The following RBBP8 variants were observed in gnomAD, a reference collection of about 807,000 sequenced individuals.
The protein encoded by RBBP8 is DNA endonuclease RBBP8.
A neutral mutation model predicts 108.3 loss-of-function variants in RBBP8; 88 were observed. The observed-to-expected ratio is 0.81, with a 90% CI of 0.68 to 0.97. The LOEUF (loss-of-function observed/expected upper bound fraction) is 0.97. Among genes scored for constraint, RBBP8 ranks in the 50% least tolerant of loss-of-function variants. The pLI is 0.00. For synonymous variants in RBBP8, 332 were observed against 348.2 expected, an observed-to-expected ratio of 0.95 and a Z score of 0.52; for missense variants, 1,023 against 1,049.0, an observed-to-expected ratio of 0.98 and a Z score of 0.34.
At chr18:22,980,195 G>A (rs8087215) in intron 6 of RBBP8, among the ~76,000 whole-genome samples, 150,363 of 152,186 alleles carry the variant, frequency 0.99, 74,312 homozygotes, top group East Asian at 1. Flanking sequence ...GTAGTGAGCC[G>A]AGATTGGACC....
upstream of RBBP8, among the ~76,000 whole-genome samples, chr18:22,932,174 G>A (rs1465830699): frequency 6.6e-6 from 1 of 152,204 alleles, no homozygotes; most frequent in Non-Finnish European, 1.5e-5. Flanking sequence ...CATAGGAACA[G>A]GTTGGGTCAT....
At chr18:22,985,060 G>A in intron 8 of RBBP8, 70 bp downstream of exon 8, 1 of 1,592,484 alleles carries the variant, frequency 6.3e-7, no homozygotes, top group Non-Finnish European at 8.6e-7. Flanking sequence ...GTGACCCACA[G>A]TCTAACTTAG....
chr18:23,019,387 G>A (rs2144833949), intron 17 of RBBP8, among the ~76,000 whole-genome samples: 1 of 152,210 alleles, frequency 6.6e-6, no homozygotes, highest in South Asian at 2.1e-4. Context: ...AATCTGTTCT[G>A]TTACTCCATC....
At chr18:22,970,512 T>C (rs1404367709) in intron 5 of RBBP8, among the ~76,000 whole-genome samples, 1 of 152,228 alleles carries the variant, frequency 6.6e-6, no homozygotes, top group Non-Finnish European at 1.5e-5. Context: ...CTCAACTTTT[T>C]GTTTGAATGT....
At chr18:22,953,096 A>T (rs1039427199) in intron 4 of RBBP8, among the ~76,000 whole-genome samples, 7 of 152,306 alleles carry the variant, frequency 4.6e-5, no homozygotes, top group African/African-American at 9.6e-5. Flanking sequence ...CGTCTGGGAG[A>T]GCTGTCAGAC....
intron 16 of RBBP8, among the ~76,000 whole-genome samples, chr18:23,009,052 C>A (rs2046110595): frequency 6.6e-6 from 1 of 152,076 alleles, no homozygotes; most frequent in African/African-American, 2.4e-5. Context: ...GGATTACAGG[C>A]GTGAGCCACC....
upstream of RBBP8, chr18:22,929,507 TGTGAA>T (rs1567939713): frequency 1.6e-5 from 1 of 61,942 alleles, no homozygotes; most frequent in Admixed American, 1.5e-4. Context: ...TGTGTGTGTG[TGTGAA>T]GAGACAGGCG....
intron 5 of RBBP8, among the ~76,000 whole-genome samples, chr18:22,971,001 A>G (rs9953702): frequency 0.51 from 77,611 of 152,036 alleles, 22,384 homozygotes; most frequent in Middle Eastern, 0.7. Flanking sequence ...GAAATTTACC[A>G]TCTTTAGAAT....
chr18:22,950,476 T>C (rs1375932224), intron 4 of RBBP8, among the ~76,000 whole-genome samples: 4 of 151,724 alleles, frequency 2.6e-5, no homozygotes, highest in Non-Finnish European at 5.9e-5. Flanking sequence ...TCAGCTACTC[T>C]AGAGGATCGC....
chr18:22,914,162 T>C (rs1434364798), exon 1 of RBBP8: 1 of 152,228 alleles, frequency 6.6e-6, no homozygotes, highest in African/African-American at 2.4e-5. Flanking sequence ...CTCTTCCACA[T>C]AGCAGTAGTG....
intron 4 of RBBP8, among the ~76,000 whole-genome samples, chr18:22,960,232 A>G (rs1912970073): frequency 6.6e-6 from 1 of 152,178 alleles, no homozygotes; most frequent in Non-Finnish European, 1.5e-5. Context: ...TATTGAGATA[A>G]AATTCTCATA....
chr18:22,997,469 G>A, intron 13 of RBBP8, 151 bp from the exon 14 acceptor site: 2 of 638,508 alleles, frequency 3.1e-6, no homozygotes, highest in Non-Finnish European at 5.6e-6. Flanking sequence ...ATCCTTACCT[G>A]TTCGTAAAGT....
In RBBP8 at chr18:22,982,294, T is replaced by G; in HGVS notation, c.505T>G (p.Ser169Ala). 1 of 1,614,202 alleles carries G rather than the reference T, an allele frequency of 6.2e-7. No homozygotes were observed. Among genetic ancestry groups the G allele is most frequent in the Non-Finnish European group, 8.5e-7 (1 of 1,180,026 alleles). Residue 169 changes from serine (S) to alanine (A), a missense_variant, in exon 7 of 19, where the codon TCA becomes GCA. Coordinates refer to ENST00000327155, the MANE Select transcript of RBBP8 (RefSeq NM_002894.3). Reference sequence around the variant, plus strand: ...TCCAGATTCACCGATAACAGCCTTCTCATTTTCTGGCGTTAACCGGCTACG... The same window carrying G: ...TCCAGATTCACCGATAACAGCCTTCGCATTTTCTGGCGTTAACCGGCTACG... The part of the protein sequence containing the change: ...VIPDSPITAF[S>A]FSGVNRLRRK...
chr18:23,019,906 C>T (rs8089942), intron 17 of RBBP8, among the ~76,000 whole-genome samples: 14 of 150,580 alleles, frequency 9.3e-5, no homozygotes, highest in African/African-American at 3.2e-4. Flanking sequence ...GGACTACAGG[C>T]GCCTGCCACC....
intron 4 of RBBP8, among the ~76,000 whole-genome samples, chr18:22,961,159 T>C (rs182383248): frequency 7.6e-4 from 116 of 152,264 alleles, no homozygotes; most frequent in Admixed American, 4.9e-3. Context: ...CAGCAAGAAA[T>C]AAGGAAAAGC....
chr18:22,982,141 A>G, intron 6 of RBBP8, 77 bp from the exon 7 acceptor site: 5 of 1,470,376 alleles, frequency 3.4e-6, no homozygotes, highest in Non-Finnish European at 4.7e-6. Flanking sequence ...TTTGTGTTCT[A>G]CTGTAACTCC....
intron 16 of RBBP8, among the ~76,000 whole-genome samples, chr18:23,014,869 C>A (rs774002951): frequency 4.7e-5 from 7 of 149,506 alleles, no homozygotes; most frequent in Non-Finnish European, 8.9e-5. Context: ...TTTTCTTTTT[C>A]TTTTTTCTGG....
chr18:23,007,145 C>T (rs922117141), intron 16 of RBBP8, among the ~76,000 whole-genome samples: 1 of 151,388 alleles, frequency 6.6e-6, no homozygotes, highest in Middle Eastern at 3.4e-3. Context: ...CCCCGCCTCC[C>T]GAGTAGCTGG....
chr18:22,993,094 G>A lies in RBBP8; in HGVS notation c.1267G>A (p.Glu423Lys). 2 of 1,613,962 alleles carry A rather than the reference G, an allele frequency of 1.2e-6. No homozygotes were observed. The highest frequency in any genetic ancestry group is 1.7e-6 in the Non-Finnish European group (2 of 1,179,916). Residue 423 changes from glutamate (E) to lysine (K), a missense_variant, in exon 11 of 19, where the codon GAG (glutamate) becomes AAG (lysine). Coordinates refer to ENST00000327155, the MANE Select transcript of RBBP8 (RefSeq NM_002894.3). ...SESLGEQNRT[E>K]YGKDSNTDKH... The stretch of plus-strand genomic sequence containing the variant: ...ATCCCTAGGTGAACAGAATAGGACT[G>A]AGTACGGTAAAGATTCTAACACTGA...
Sources: allele counts gnomAD v4.1 joint callset (sites outside exome capture counted in the v4.1 genomes callset), GRCh38; gene constraint gnomAD v4.1.1; transcripts MANE v1.5; gene names NCBI Gene and HGNC (gene_info 2026-07-23, HGNC 2026-07-21).